Variants in DNAH11 observed in about 807,000 individuals in gnomAD.
DNAH11 encodes the protein axonemal beta dynein heavy chain 11.
In DNAH11, 442 loss-of-function variants were observed where a neutral mutation model predicts 526.0. The observed-to-expected ratio is 0.84, with a 90% confidence interval of 0.78 to 0.91. DNAH11 has a LOEUF of 0.91. Ranked by LOEUF, DNAH11 falls within the 40% of genes least tolerant of loss-of-function variation. DNAH11 has a pLI of 0.00. For synonymous variants in DNAH11, 2,461 were observed against 1,935.9 expected (o/e 1.27, Z -7.12); for missense variants, 6,989 against 5,448.7 (o/e 1.28, Z -8.90).
chr7:21,702,915 C>A, intron 37 of DNAH11, 113 bp downstream of exon 37: 1 of 925,176 alleles, frequency 1.1e-6, no homozygotes, highest in Non-Finnish European at 1.6e-6. Flanking sequence ...AAAAGCATAA[C>A]ATCTGTTGTT....
intron 65 of DNAH11, among the ~76,000 whole-genome samples, chr7:21,834,687 A>G (rs779911263): frequency 2.6e-5 from 4 of 152,118 alleles, no homozygotes; most frequent in Non-Finnish European, 2.9e-5. Flanking sequence ...TTTAAAAATT[A>G]TAAGATAAAT....
intron 9 of DNAH11, among the ~76,000 whole-genome samples, chr7:21,584,512 G>T (rs926346246): frequency 6.6e-6 from 1 of 152,074 alleles, no homozygotes; most frequent in Non-Finnish European, 1.5e-5. Flanking sequence ...AACCAGCATG[G>T]CACATGTATA....
chr7:21,869,522 G>A (rs1408131904), intron 73 of DNAH11, among the ~76,000 whole-genome samples: 3 of 152,104 alleles, frequency 2.0e-5, no homozygotes, highest in African/African-American at 7.2e-5. Flanking sequence ...AGCAAAGTGA[G>A]AGGGGATCCT....
At chr7:21,556,095 A>G (rs1020873094) in intron 2 of DNAH11, among the ~76,000 whole-genome samples, 1 of 152,098 alleles carries the variant, frequency 6.6e-6, no homozygotes, top group Non-Finnish European at 1.5e-5. Flanking sequence ...TGGGGTTACA[A>G]TTCTCACAGA....
intron 42 of DNAH11, among the ~76,000 whole-genome samples, chr7:21,713,753 C>T (rs984503383): frequency 6.6e-6 from 1 of 152,190 alleles, no homozygotes; most frequent in African/African-American, 2.4e-5. Flanking sequence ...CTAAAAGTCT[C>T]ATTCCTTACC....
chr7:21,546,069 C>T (rs1279190702), intron 2 of DNAH11, among the ~76,000 whole-genome samples: 1 of 152,192 alleles, frequency 6.6e-6, no homozygotes. Flanking sequence ...GTCTACAAGG[C>T]CAATTTCTAA....
intron 1 of DNAH11, among the ~76,000 whole-genome samples, chr7:21,544,726 GAT>G (rs1782742314): frequency 1.3e-5 from 2 of 152,012 alleles, no homozygotes; most frequent in African/African-American, 4.8e-5. Flanking sequence ...TTAGTTATAA[GAT>G]TTTTTTTTTG....
intron 28 of DNAH11, among the ~76,000 whole-genome samples, chr7:21,647,596 A>AT (rs1476567260): frequency 2.0e-5 from 3 of 151,262 alleles, no homozygotes; most frequent in African/African-American, 7.3e-5. Context: ...CAACTGGCTA[A>AT]TTTTTTTTGT....
rs1369372307 is a variant in DNAH11, at chr7:21,683,743, C to T, written c.5461-41C>T. ...TAGATTAATAACTTGTTGCCCCAAA[C>T]TACCAGTGTCCTGCGTATGATGATT... On this transcript the variant is annotated intron_variant, in intron 31 of 81. Transcript: ENST00000409508. 7 of 1,491,182 alleles carry T rather than the reference C, an allele frequency of 4.7e-6. No individual in the cohort carries two copies. The South Asian group carries it at 7.7e-5, about 16-fold the overall frequency. The allele number at this position is 1,491,182 out of a possible 1,614,324, so 92.4% of individuals were successfully genotyped here. A position where few individuals can be genotyped will look rare whatever the true frequency, so the allele number is the denominator to read the frequency against.
intron 44 of DNAH11, among the ~76,000 whole-genome samples, chr7:21,721,475 A>G (rs1583626858): frequency 6.6e-6 from 1 of 152,206 alleles, no homozygotes; most frequent in African/African-American, 2.4e-5. Flanking sequence ...TGACTTAAGC[A>G]ATAGAAATTT....
chr7:21,712,169 A>G (rs1396806150), intron 42 of DNAH11, among the ~76,000 whole-genome samples: 1 of 152,216 alleles, frequency 6.6e-6, no homozygotes, highest in Non-Finnish European at 1.5e-5. Flanking sequence ...TTCACTTAGC[A>G]TAATGTCTTC....
chr7:21,828,689 G>C (rs991601860), intron 65 of DNAH11, among the ~76,000 whole-genome samples: 2 of 149,582 alleles, frequency 1.3e-5, no homozygotes, highest in Non-Finnish European at 3.0e-5. Context: ...ATATGGATAT[G>C]TTGAAGCGTG....
intron 61 of DNAH11, 70 bp downstream of exon 61, chr7:21,789,412 C>G: frequency 1.0e-6 from 1 of 981,754 alleles, no homozygotes. Flanking sequence ...GGATTCCACC[C>G]TCAGACAGCA....
chr7:21,850,716 G>A, intron 66 of DNAH11, among the ~76,000 whole-genome samples: 1 of 147,502 alleles, frequency 6.8e-6, no homozygotes, highest in East Asian at 2.0e-4. Flanking sequence ...AAAGTAAACA[G>A]AGGTTTAGTG....
chr7:21,807,876 C>T lies in DNAH11; in HGVS notation c.10166-7C>T. 3 of 1,581,482 alleles carry T rather than the reference C, an allele frequency of 1.9e-6. No homozygotes were observed. The highest frequency in any genetic ancestry group is 2.6e-6 in the Non-Finnish European group (3 of 1,155,034). On this transcript the variant is annotated splice_region_variant and splice_polypyrimidine_tract_variant and intron_variant, in intron 62 of 81. Transcript: ENST00000409508. ...ATTACAGCTGAGTAATTTCATCTTTCAGTCAGAGAAGATTCGCTGGGGTCA... is the reference window on the plus strand; with the variant it reads ...ATTACAGCTGAGTAATTTCATCTTTTAGTCAGAGAAGATTCGCTGGGGTCA...
intron 40 of DNAH11, among the ~76,000 whole-genome samples, chr7:21,710,067 G>A (rs58558987): frequency 0.027 from 4,127 of 152,242 alleles, 201 homozygotes; most frequent in East Asian, 0.2. Context: ...TAGTATCCCA[G>A]TGAACACATT....
At chr7:21,649,527 G>A (rs558276845) in intron 28 of DNAH11, among the ~76,000 whole-genome samples, 5 of 152,122 alleles carry the variant, frequency 3.3e-5, no homozygotes, top group South Asian at 2.1e-4. Flanking sequence ...ACATAATATC[G>A]AACTATAGGA....
At chr7:21,846,669 G>T (rs1782433757) in intron 66 of DNAH11, among the ~76,000 whole-genome samples, 2 of 151,960 alleles carry the variant, frequency 1.3e-5, no homozygotes, top group Admixed American at 6.6e-5. Context: ...TAGTTGTTTT[G>T]TTTTTTCCTG....
chr7:21,874,857 C>T (rs1017892002), intron 74 of DNAH11, among the ~76,000 whole-genome samples: 3 of 151,980 alleles, frequency 2.0e-5, no homozygotes, highest in Non-Finnish European at 4.4e-5. Flanking sequence ...CTTGGTAAAT[C>T]GCATTCTTGT....
Sources: allele counts gnomAD v4.1 joint callset (sites outside exome capture counted in the v4.1 genomes callset), GRCh38; gene constraint gnomAD v4.1.1; transcripts MANE v1.5; gene names NCBI Gene and HGNC (gene_info 2026-07-23, HGNC 2026-07-21).